Variants in FANCA observed in about 807,000 individuals in gnomAD.
FANCA encodes the protein FA complementation group A, also known as Fanconi anemia group A protein.
FANCA carries 236 observed loss-of-function variants against 194.3 expected under a neutral mutation model. The observed-to-expected ratio is 1.21, with a 90% CI of 1.09 to 1.35. The LOEUF is 1.35. FANCA is among the 40% of genes most tolerant of loss of function. The probability of loss-of-function intolerance (pLI) is 0.00; values close to 1 mark genes in which losing one functional copy is unlikely to be tolerated. For missense variants in FANCA, 2,628 were observed against 1,813.9 expected (o/e 1.45, Z -8.15); for synonymous variants, 1,014 against 715.8 (o/e 1.42, Z -6.65).
intron 11 of FANCA, among the ~76,000 whole-genome samples, chr16:89,795,066 C>A (rs541005782): frequency 2.0e-4 from 30 of 152,292 alleles, no homozygotes; most frequent in South Asian, 1.0e-3. Flanking sequence ...GGGCGGATTA[C>A]CTGAGATTAG....
chr16:89,811,012 C>G lies in FANCA; in HGVS notation c.343G>C (p.Gly115Arg), dbSNP rs769824282. ...LGVPVGILSA[G>R]MVASSVGQIC... ...TGTCCCACGCTAGAGGCAACCATCC[C>G]GGCTGAGAGAATACCCACGGGAACC... Residue 115 changes from glycine (G) to arginine (R), a missense_variant, in exon 4 of 43, where the codon GGG becomes CGG. By Grantham distance (125) the Gly-to-Arg change is moderately radical. Transcript: ENST00000389301. 2 of 1,614,038 alleles carry G rather than the reference C, an allele frequency of 1.2e-6. No homozygotes were observed. Among genetic ancestry groups the G allele is most frequent in the South Asian group, 1.1e-5 (1 of 91,080 alleles).
chr16:89,801,632 G>A (rs1168113016), intron 8 of FANCA, among the ~76,000 whole-genome samples: 1 of 152,068 alleles, frequency 6.6e-6, no homozygotes, highest in Non-Finnish European at 1.5e-5. Flanking sequence ...GATCACATCT[G>A]TAATCCCAGC....
At chr16:89,787,308 G>T (rs533241631) in intron 14 of FANCA, among the ~76,000 whole-genome samples, 2 of 152,288 alleles carry the variant, frequency 1.3e-5, no homozygotes, top group South Asian at 4.1e-4. Flanking sequence ...CAGATCACGA[G>T]TTCAGGAGAT....
At chr16:89,758,012 C>A (rs906724108) in intron 30 of FANCA, among the ~76,000 whole-genome samples, 1 of 152,142 alleles carries the variant, frequency 6.6e-6, no homozygotes, top group Non-Finnish European at 1.5e-5. Flanking sequence ...CCCGCCACCA[C>A]ACTCAGCTAA....
At chr16:89,797,857 T>G (rs2040300831) in intron 10 of FANCA, among the ~76,000 whole-genome samples, 1 of 152,088 alleles carries the variant, frequency 6.6e-6, no homozygotes, top group African/African-American at 2.4e-5. Context: ...ATCTCACCAC[T>G]GCACTCCAGC....
At position 89,771,732 on chromosome 16, in the gene FANCA, T is replaced by C; in HGVS notation, c.2097A>G (p.Ile699Met). 1 of 1,614,202 alleles carries C rather than the reference T, an allele frequency of 6.2e-7. No individual in the cohort carries two copies. Among genetic ancestry groups the C allele is most frequent in the Non-Finnish European group, 8.5e-7 (1 of 1,180,044 alleles). The change falls in exon 23 of 43, where the codon ATA becomes ATG. Residue 699 changes from isoleucine (I) to methionine (M), a missense_variant. Physicochemically the swap from Ile to Met is conservative, Grantham distance 10 (BLOSUM62 1). Coordinates refer to ENST00000389301, the MANE Select transcript of FANCA (RefSeq NM_000135.4). ...GHNEDDSSVE[I>M]SKIQLSINTP... is the part of the protein sequence containing the mutation. Reference sequence around the variant, plus strand: ...TGTTGATGCTGAGCTGAATCTTTGATATCTCAACGCTGCTGTCATCCTCAT... The same window carrying C: ...TGTTGATGCTGAGCTGAATCTTTGACATCTCAACGCTGCTGTCATCCTCAT...
At chr16:89,774,466 C>A (rs1026269942) in intron 21 of FANCA, among the ~76,000 whole-genome samples, 3 of 152,034 alleles carry the variant, frequency 2.0e-5, no homozygotes, top group Non-Finnish European at 4.4e-5. Context: ...CATGGGGGCT[C>A]CCACCTGTAA....
At position 89,784,828 on chromosome 16, in the gene FANCA, C is replaced by G. The variant is rs369657101; in HGVS notation, c.1470+26G>C. The stretch of plus-strand genomic sequence containing the variant: ...AGCAGGTGAGCGAAGCACCAGAAAT[C>G]ATGGATGTGGCAGCCAGCTTCTCAC... On this transcript the variant is annotated intron_variant, in intron 15 of 42. Transcript: ENST00000389301. 1.9e-6 allele frequency: 3 copies of G among 1,563,112 alleles called. No homozygotes were observed. In the Admixed American group the frequency reaches 5.0e-5, roughly 26 times the overall value.
intron 6 of FANCA, among the ~76,000 whole-genome samples, chr16:89,807,239 A>G (rs2040692458): frequency 6.9e-6 from 1 of 145,916 alleles, no homozygotes; most frequent in African/African-American, 2.6e-5. Context: ...CGGGAGGATC[A>G]CAAGATCAGG....
intron 37 of FANCA, among the ~76,000 whole-genome samples, chr16:89,741,773 G>C (rs914718153): frequency 2.0e-5 from 3 of 152,138 alleles, no homozygotes; most frequent in African/African-American, 7.2e-5. Context: ...GGTCTGAGCT[G>C]TCTCACTGCA....
chr16:89,787,575 AT>A (rs1428467431), intron 14 of FANCA, among the ~76,000 whole-genome samples: 2 of 151,888 alleles, frequency 1.3e-5, no homozygotes, highest in Admixed American at 6.6e-5. Flanking sequence ...TCCACAAAAA[AT>A]TTTTTAATAA....
Position 89,748,844 on chromosome 16 carries a change from G to A in FANCA, c.3240-77C>T, listed in dbSNP as rs2038481992. 3.3e-6 allele frequency: 4 copies of A among 1,224,842 alleles called. No homozygotes were observed. The East Asian group carries it at 9.9e-5, about 30-fold the overall frequency. 75.9% of individuals were successfully genotyped at this position (1,224,842 alleles called of 1,614,324 possible). A position where few individuals can be genotyped will look rare whatever the true frequency, so the allele number is the denominator to read the frequency against. On this transcript the variant is annotated intron_variant, in intron 32 of 42. Transcript: ENST00000389301. ...CTTCCCAAGGGCTCAGACTCTCAGA[G>A]CAGCAACCACCACCCTGAAACCCAG...
chr16:89,813,406 T>A, intron 3 of FANCA, among the ~76,000 whole-genome samples: 1 of 114,540 alleles, frequency 8.7e-6, no homozygotes, highest in African/African-American at 3.5e-5. Flanking sequence ...AGACCCTGTC[T>A]GTTAAAAAAA....
At position 89,814,550 on chromosome 16, in the gene FANCA, C is replaced by G; in HGVS notation, c.253G>C (p.Ala85Pro). The G allele has an allele frequency of 6.2e-7, 1 of 1,613,656 alleles. No individual in the cohort carries two copies. Among genetic ancestry groups the G allele is most frequent in the Non-Finnish European group, 8.5e-7 (1 of 1,179,594 alleles). The change falls in exon 3 of 43, where the codon GCC becomes CCC. Residue 85 changes from alanine to proline, a missense_variant. By Grantham distance (27) the Ala-to-Pro change is conservative. Coordinates refer to ENST00000389301, the MANE Select transcript of FANCA (RefSeq NM_000135.4). ...AATGAACTAGAATGATTAGCATAGG[C>G]CTCAGAACTGTCACAGTCAATCACT... ...SKVIDCDSSE[A>P]YANHSSSFIG... is the part of the protein sequence containing the mutation.
chr16:89,816,082 G>A (rs2041109109), intron 1 of FANCA, 96 bp from the exon 2 acceptor site: 2 of 899,676 alleles, frequency 2.2e-6, no homozygotes, highest in East Asian at 2.5e-5. Flanking sequence ...AAACCCACCA[G>A]CGACACCCTC....
At chr16:89,751,212 G>T (rs958843786) in intron 31 of FANCA, among the ~76,000 whole-genome samples, 1 of 151,990 alleles carries the variant, frequency 6.6e-6, no homozygotes, top group African/African-American at 2.4e-5. Flanking sequence ...TTTTAAAGAA[G>T]AATAAAGATC....
At position 89,805,762 on chromosome 16, in the gene FANCA, C is replaced by A. The variant is rs140936156; in HGVS notation, c.597-370G>T. Among the ~76,000 whole-genome samples, 351 of 119,590 alleles carry A rather than the reference C, an allele frequency of 2.9e-3. 1 individual carries two copies. The highest frequency in any genetic ancestry group is 5.9e-3 in the Admixed American group (70 of 11,828). 78.5% of individuals were successfully genotyped at this position (119,590 alleles called of 152,430 possible). ...AGTTATTTTCTAATTTCCCTTGTGA[C>A]TTCTTTGACTCATTATGTTAACTTT... On this transcript the variant is annotated intron_variant, in intron 6 of 42. Transcript: ENST00000389301.
chr16:89,780,296 G>A (rs939892742), intron 17 of FANCA, among the ~76,000 whole-genome samples: 1 of 152,154 alleles, frequency 6.6e-6, no homozygotes, highest in African/African-American at 2.4e-5. Context: ...TTCTAGGTGG[G>A]AAGGAGTAGA....
At chr16:89,790,880 C>T (rs1264716560) in intron 14 of FANCA, among the ~76,000 whole-genome samples, 2 of 151,846 alleles carry the variant, frequency 1.3e-5, no homozygotes, top group African/African-American at 4.8e-5. Flanking sequence ...CCCAGGCTGG[C>T]GTACAGTGGT....
Sources: gnomAD v4.1 joint callset for allele counts (sites outside exome capture counted in the v4.1 genomes callset) on GRCh38, gnomAD v4.1.1 for gene constraint, MANE v1.5 for transcripts, NCBI Gene and HGNC (gene_info 2026-07-23, HGNC 2026-07-21) for gene names.